PDE3B: variants seen among roughly 807,000 people sequenced by gnomAD.
PDE3B encodes the protein cGMP-inhibited 3',5'-cyclic phosphodiesterase 3B.
A neutral mutation model predicts 116.8 loss-of-function variants in PDE3B; 66 were observed. The ratio of observed to expected loss-of-function variants is 0.56; its 90% CI spans 0.46 to 0.69. PDE3B has a LOEUF of 0.69. PDE3B is among the 30% of genes least tolerant of loss of function. The pLI, the probability that PDE3B is intolerant of heterozygous loss-of-function variation, is 0.00. For synonymous variants in PDE3B, 595 were observed against 533.6 expected (o/e 1.12, Z -1.59); for missense variants, 1,384 against 1,368.1 (o/e 1.01, Z -0.18).
intron 1 of PDE3B, among the ~76,000 whole-genome samples, chr11:14,695,700 T>G (rs1855186985): frequency 6.6e-6 from 1 of 151,756 alleles, no homozygotes; most frequent in African/African-American, 2.4e-5. Context: ...CCAGCAAGTA[T>G]TGTTCCCCTC....
chr11:14,814,510 A>G (rs374196418), intron 5 of PDE3B, among the ~76,000 whole-genome samples: 1 of 152,218 alleles, frequency 6.6e-6, no homozygotes, highest in African/African-American at 2.4e-5. Flanking sequence ...AAAAGCCACC[A>G]ATTACGTAGA....
At chr11:14,687,210 A>G (rs1409980014) in intron 1 of PDE3B, among the ~76,000 whole-genome samples, 1 of 152,206 alleles carries the variant, frequency 6.6e-6, no homozygotes, top group East Asian at 1.9e-4. Flanking sequence ...GCTTCTTGCT[A>G]GAATGAAGTT....
At chr11:14,714,100 G>T (rs1411019134) in intron 1 of PDE3B, among the ~76,000 whole-genome samples, 1 of 152,008 alleles carries the variant, frequency 6.6e-6, no homozygotes. Flanking sequence ...GTTGATTGAT[G>T]ATTGGTTAAA....
At chr11:14,656,274 T>C (rs1294078884) in intron 1 of PDE3B, among the ~76,000 whole-genome samples, 2 of 152,194 alleles carry the variant, frequency 1.3e-5, no homozygotes, top group African/African-American at 4.8e-5. Context: ...TTTTCACATG[T>C]GAATGGTTGA....
chr11:14,791,889 C>G (rs1296228718), intron 4 of PDE3B, among the ~76,000 whole-genome samples: 1 of 152,032 alleles, frequency 6.6e-6, no homozygotes, highest in African/African-American at 2.4e-5. Context: ...TAAATCACCT[C>G]CAGATTATTT....
intron 4 of PDE3B, among the ~76,000 whole-genome samples, chr11:14,799,133 C>G (rs752575327): frequency 1.4e-4 from 21 of 152,132 alleles, no homozygotes; most frequent in Non-Finnish European, 2.9e-4. Flanking sequence ...TATGTTTTGT[C>G]TTTGTTCTCA....
At chr11:14,766,466 AT>A (rs1203838559) in intron 1 of PDE3B, among the ~76,000 whole-genome samples, 2 of 151,624 alleles carry the variant, frequency 1.3e-5, no homozygotes, top group Admixed American at 6.6e-5. Context: ...AGGCTTTTGC[AT>A]TTTATTGAAA....
At chr11:14,796,164 TG>T (rs1326875435) in intron 4 of PDE3B, among the ~76,000 whole-genome samples, 1 of 152,210 alleles carries the variant, frequency 6.6e-6, no homozygotes. Flanking sequence ...CTGAGAATGA[TG>T]GTTTCCAGCT....
chr11:14,740,099 G>C (rs901143553), intron 1 of PDE3B, among the ~76,000 whole-genome samples: 1 of 152,114 alleles, frequency 6.6e-6, no homozygotes, highest in Non-Finnish European at 1.5e-5. Context: ...TTGGTATCTG[G>C]ATGATGCTAA....
At chr11:14,737,197 TC>T (rs1422901375) in intron 1 of PDE3B, among the ~76,000 whole-genome samples, 79 of 94,152 alleles carry the variant, frequency 8.4e-4, no homozygotes, top group African/African-American at 3.2e-3. Context: ...CAGGCTGCCT[TC>T]TTTTTTTTTT....
At chr11:14,729,649 C>G (rs1002926227) in intron 1 of PDE3B, among the ~76,000 whole-genome samples, 1 of 152,182 alleles carries the variant, frequency 6.6e-6, no homozygotes, top group Non-Finnish European at 1.5e-5. Flanking sequence ...ATAAATATGA[C>G]TGATATTCAG....
chr11:14,647,143 T>A (rs1303533417), intron 1 of PDE3B, among the ~76,000 whole-genome samples: 1 of 151,970 alleles, frequency 6.6e-6, no homozygotes, highest in Non-Finnish European at 1.5e-5. Flanking sequence ...AGGAAATCAG[T>A]ACTTTTATGG....
chr11:14,883,609 A>G, the PDE3B span, among the ~76,000 whole-genome samples: 1 of 152,120 alleles, frequency 6.6e-6, no homozygotes, highest in Admixed American at 6.6e-5. Context: ...ATTACCATTC[A>G]GGAGATAGGC....
At chr11:14,818,143 C>A (rs1047609615) in intron 5 of PDE3B, 40 bp from the exon 6 acceptor site, 4 of 1,258,512 alleles carry the variant, frequency 3.2e-6, no homozygotes, top group African/African-American at 1.5e-5. Flanking sequence ...CACATAAATA[C>A]ATTCTTATTT....
At chr11:14,684,500 G>C (rs549235028) in intron 1 of PDE3B, among the ~76,000 whole-genome samples, 1 of 152,226 alleles carries the variant, frequency 6.6e-6, no homozygotes, top group South Asian at 2.1e-4. Flanking sequence ...TACTGATTAG[G>C]GTCTTTGTTC....
In PDE3B at chr11:14,871,804, GA is replaced by G. The variant is rs535549768; in HGVS notation, c.*2147del. On this transcript the variant is annotated 3_prime_UTR_variant, in exon 16 of 16. Transcript: ENST00000282096. ...GAAACTTAAAAATTCGTAAGTGTAA[GA>G]AAGAATGTGAGAATATATTAAATGC... The G allele has an allele frequency of 1.4e-3, 220 of 152,124 alleles. No homozygotes were observed. The highest frequency in any genetic ancestry group is 4.9e-3 in the African/African-American group (204 of 41,556). The allele number at this position is 152,124 out of a possible 1,614,324, so 9.4% of individuals were successfully genotyped here.
intron 4 of PDE3B, among the ~76,000 whole-genome samples, chr11:14,793,897 C>A (rs184113546): frequency 6.6e-6 from 1 of 152,238 alleles, no homozygotes; most frequent in East Asian, 1.9e-4. Flanking sequence ...TATTTGAACC[C>A]CAGCAATTCA....
chr11:14,697,155 C>G (rs909958503), intron 1 of PDE3B, among the ~76,000 whole-genome samples: 35 of 152,084 alleles, frequency 2.3e-4, no homozygotes, highest in Admixed American at 2.3e-3. Flanking sequence ...CCAGCCTGGC[C>G]TCACACTCCT....
chr11:14,862,828 T>A (rs562573733), intron 14 of PDE3B, among the ~76,000 whole-genome samples: 2 of 152,208 alleles, frequency 1.3e-5, no homozygotes, highest in Non-Finnish European at 2.9e-5. Context: ...CACCTCGGCC[T>A]CCCAAAGTGT....
Sources: gnomAD v4.1 joint callset for allele counts (sites outside exome capture counted in the v4.1 genomes callset) on GRCh38, gnomAD v4.1.1 for gene constraint, MANE v1.5 for transcripts, NCBI Gene and HGNC (gene_info 2026-07-23, HGNC 2026-07-21) for gene names.